Variants in SIPA1L1 observed in about 807,000 individuals in gnomAD.
The protein encoded by SIPA1L1 is signal-induced proliferation-associated 1-like protein 1.
A neutral mutation model predicts 162.7 loss-of-function variants in SIPA1L1; 26 were observed. The ratio of observed to expected loss-of-function variants is 0.16; its 90% CI spans 0.12 to 0.22. SIPA1L1 has a LOEUF of 0.22. SIPA1L1 is among the 10% of genes least tolerant of loss of function. The probability of loss-of-function intolerance (pLI) is 1.00; values close to 1 mark genes in which losing one functional copy is unlikely to be tolerated. For synonymous variants in SIPA1L1, 829 were observed against 837.4 expected (o/e 0.99, Z 0.17); for missense variants, 1,874 against 2,241.0 (o/e 0.84, Z 3.31).
intron 5 of SIPA1L1, among the ~76,000 whole-genome samples, chr14:71,609,405 A>C (rs2037923328): frequency 6.6e-6 from 1 of 151,896 alleles, no homozygotes; most frequent in Non-Finnish European, 1.5e-5. Flanking sequence ...AATGACTGGG[A>C]CTACAGGTGT....
Position 71,739,307 on chromosome 14 carries a change from GTTGCAGATCAACAATCA to G in SIPA1L1, c.*148_*164del. 1 of 554,888 alleles carries G rather than the reference GTTGCAGATCAACAATCA, an allele frequency of 1.8e-6. No homozygotes were observed. Among genetic ancestry groups the G allele is most frequent in the Non-Finnish European group, 2.8e-6 (1 of 355,334 alleles). The allele number at this position is 554,888 out of a possible 1,614,324, so 34.4% of individuals were successfully genotyped here. A position where few individuals can be genotyped will look rare whatever the true frequency, so the allele number is the denominator to read the frequency against. On this transcript the variant is annotated 3_prime_UTR_variant, in exon 24 of 24. Coordinates refer to ENST00000381232, the MANE Select transcript of SIPA1L1 (RefSeq NM_001386936.1). ...CTTTCGGGGAGTGCACAACACAATA[GTTGCAGATCAACAATCA>G]TCACCTGCCTTTTGTAGAAAAGAAA...
chr14:71,367,975 A>T (rs1192988745), intron 2 of SIPA1L1, among the ~76,000 whole-genome samples: 20 of 139,046 alleles, frequency 1.4e-4, no homozygotes, highest in African/African-American at 5.1e-4. Flanking sequence ...TTTCCGGGGC[A>T]TTGGGGGTTA....
At chr14:71,647,126 A>G (rs1388168410) in intron 7 of SIPA1L1, among the ~76,000 whole-genome samples, 1 of 152,158 alleles carries the variant, frequency 6.6e-6, no homozygotes, top group Non-Finnish European at 1.5e-5. Context: ...AGAAATCAAG[A>G]TACAGTCACA....
intron 12 of SIPA1L1, 97 bp downstream of exon 12, chr14:71,672,719 G>A (rs1003463079): frequency 5.8e-5 from 76 of 1,307,924 alleles, no homozygotes; most frequent in Non-Finnish European, 7.5e-5. Flanking sequence ...AGGGTGTTGT[G>A]AAGAACAATA....
intron 7 of SIPA1L1, among the ~76,000 whole-genome samples, chr14:71,635,280 A>AAAAC (rs1165123219): frequency 2.6e-5 from 4 of 152,330 alleles, no homozygotes; most frequent in East Asian, 1.9e-4. Context: ...ACTCCATCTC[A>AAAAC]AAACAAACAA....
At chr14:71,669,068 T>C (rs964406387) in intron 10 of SIPA1L1, among the ~76,000 whole-genome samples, 2 of 152,200 alleles carry the variant, frequency 1.3e-5, no homozygotes, top group Non-Finnish European at 2.9e-5. Flanking sequence ...CAAAACAAAA[T>C]CATTTATTTG....
At chr14:71,389,353 CTG>C (rs1255560640) in intron 2 of SIPA1L1, among the ~76,000 whole-genome samples, 1 of 152,208 alleles carries the variant, frequency 6.6e-6, no homozygotes. Context: ...TAACTGGAAA[CTG>C]TGCATTCCTT....
intron 2 of SIPA1L1, among the ~76,000 whole-genome samples, chr14:71,488,855 T>G (rs1417827352): frequency 6.6e-6 from 1 of 152,202 alleles, no homozygotes; most frequent in Non-Finnish European, 1.5e-5. Flanking sequence ...TAAAATATGC[T>G]CATTCTTTTA....
At chr14:71,396,646 A>G (rs763527481) in intron 2 of SIPA1L1, among the ~76,000 whole-genome samples, 1 of 152,174 alleles carries the variant, frequency 6.6e-6, no homozygotes, top group Non-Finnish European at 1.5e-5. Flanking sequence ...ATTTTTTGGT[A>G]AAAACTTTTT....
intron 19 of SIPA1L1, among the ~76,000 whole-genome samples, chr14:71,729,547 T>G (rs2084562453): frequency 1.3e-5 from 2 of 152,166 alleles, no homozygotes; most frequent in Non-Finnish European, 2.9e-5. Flanking sequence ...CAGGATACCC[T>G]CTTGGCACTG....
Position 71,723,880 on chromosome 14 carries a change from C to G in SIPA1L1, c.4442C>G (p.Thr1481Arg). ...GTINSVGFMD[T>R]RKRHQSDGNE... Reference sequence around the variant, plus strand: ...ATAAACTCCGTGGGATTTATGGACACGAGAAAGTAAGAGTTACTTTCCTTC... The same window carrying G: ...ATAAACTCCGTGGGATTTATGGACAGGAGAAAGTAAGAGTTACTTTCCTTC... Residue 1481 changes from threonine (T) to arginine (R), a missense_variant, in exon 18 of 24, where the codon ACG becomes AGG. Transcript: ENST00000381232. 6.2e-7 allele frequency: 1 copy of G among 1,614,126 alleles called. No individual in the cohort carries two copies. The highest frequency in any genetic ancestry group is 8.5e-7 in the Non-Finnish European group (1 of 1,180,016).
At chr14:71,389,004 T>C (rs1309209716) in intron 2 of SIPA1L1, among the ~76,000 whole-genome samples, 1 of 152,212 alleles carries the variant, frequency 6.6e-6, no homozygotes, top group African/African-American at 2.4e-5. Context: ...GGTCTCGAAC[T>C]CCTAGGCTCA....
At chr14:71,428,368 C>A (rs567655493) in intron 2 of SIPA1L1, among the ~76,000 whole-genome samples, 5 of 150,802 alleles carry the variant, frequency 3.3e-5, no homozygotes, top group African/African-American at 1.2e-4. Context: ...TTATGATTTG[C>A]GGTTTTTTTT....
At chr14:71,715,966 T>G (rs952217500) in intron 17 of SIPA1L1, among the ~76,000 whole-genome samples, 1 of 152,240 alleles carries the variant, frequency 6.6e-6, no homozygotes, top group African/African-American at 2.4e-5. Flanking sequence ...CAGCTTGTGG[T>G]CCACGGTGAT....
At chr14:71,684,035 G>A (rs1240025975) in intron 12 of SIPA1L1, among the ~76,000 whole-genome samples, 1 of 152,202 alleles carries the variant, frequency 6.6e-6, no homozygotes, top group Non-Finnish European at 1.5e-5. Flanking sequence ...GGATAGAGTG[G>A]AGCCTTGGGC....
intron 2 of SIPA1L1, among the ~76,000 whole-genome samples, chr14:71,386,166 A>G (rs963466631): frequency 6.6e-6 from 1 of 152,174 alleles, no homozygotes; most frequent in Non-Finnish European, 1.5e-5. Context: ...GGATAGATGT[A>G]TATATAAAGG....
intron 2 of SIPA1L1, among the ~76,000 whole-genome samples, chr14:71,485,010 C>T (rs2048638391): frequency 6.6e-6 from 1 of 152,170 alleles, no homozygotes; most frequent in Admixed American, 6.5e-5. Flanking sequence ...CATCCCAGCC[C>T]TGTGGAATTA....
At chr14:71,544,118 T>C (rs967012821) in intron 4 of SIPA1L1, among the ~76,000 whole-genome samples, 3 of 150,260 alleles carry the variant, frequency 2.0e-5, no homozygotes, top group African/African-American at 4.9e-5. Flanking sequence ...TATATACACA[T>C]ATATGCACGT....
At chr14:71,694,202 C>CA (rs1566668639) in intron 13 of SIPA1L1, among the ~76,000 whole-genome samples, 2 of 151,856 alleles carry the variant, frequency 1.3e-5, no homozygotes, top group African/African-American at 4.8e-5. Context: ...TGGTGGAGGA[C>CA]AGGGGTGGTT....
Sources: allele counts gnomAD v4.1 joint callset (sites outside exome capture counted in the v4.1 genomes callset), GRCh38; gene constraint gnomAD v4.1.1; transcripts MANE v1.5; gene names NCBI Gene and HGNC (gene_info 2026-07-23, HGNC 2026-07-21).